ZZZ3: variants seen among roughly 807,000 people sequenced by gnomAD.
The protein encoded by ZZZ3 is zinc finger ZZ-type containing 3.
In ZZZ3, 22 loss-of-function variants were observed where a neutral mutation model predicts 95.2. That is an observed-to-expected ratio of 0.23 (90% CI 0.17 to 0.33). ZZZ3 has a LOEUF of 0.33. ZZZ3 is among the 10% of genes least tolerant of loss of function. The pLI, the probability that ZZZ3 is intolerant of heterozygous loss-of-function variation, is 1.00. For synonymous variants in ZZZ3, 335 were observed against 358.9 expected, an observed-to-expected ratio of 0.93 and a Z score of 0.75; for missense variants, 885 against 1,066.5, an observed-to-expected ratio of 0.83 and a Z score of 2.37.
At position 77,568,441 on chromosome 1, in the gene ZZZ3, TA is replaced by T; in HGVS notation, c.2356del (p.Tyr786IlefsTer16). 1 of 1,290,532 alleles carries T rather than the reference TA, an allele frequency of 7.7e-7. No homozygotes were observed. Among genetic ancestry groups the T allele is most frequent in the Non-Finnish European group, 1.1e-6 (1 of 943,192 alleles). 79.9% of individuals were successfully genotyped at this position (1,290,532 alleles called of 1,614,324 possible). ...TTCTTTATATTCAGGTAAATTCCTA[TA>T]CATGATAGGAATACTTTCGTCATCC... ...ASDDESIPIM[Y>X]RNLPEYKELL... On this transcript the variant is annotated frameshift_variant, in exon 13 of 15. Coordinates refer to ENST00000370801, the MANE Select transcript of ZZZ3 (RefSeq NM_015534.6). LOFTEE classifies it high-confidence loss of function.
At chr1:77,615,228 TTA>T (rs1335097081) in intron 5 of ZZZ3, among the ~76,000 whole-genome samples, 1 of 152,200 alleles carries the variant, frequency 6.6e-6, no homozygotes, top group African/African-American at 2.4e-5. Flanking sequence ...AGATGCAGAA[TTA>T]CAAAATATAA....
At chr1:77,568,149 C>T (rs565606075) in intron 13 of ZZZ3, among the ~76,000 whole-genome samples, 183 bp downstream of exon 13, 1 of 151,982 alleles carries the variant, frequency 6.6e-6, no homozygotes, top group Non-Finnish European at 1.5e-5. Flanking sequence ...TATAGTGGCA[C>T]ACACCTGTAA....
chr1:77,630,164 A>G (rs1053538911), intron 5 of ZZZ3, among the ~76,000 whole-genome samples: 2 of 151,694 alleles, frequency 1.3e-5, no homozygotes, highest in Non-Finnish European at 2.9e-5. Context: ...CACTGCAGAT[A>G]AACAGGTCTA....
intron 5 of ZZZ3, among the ~76,000 whole-genome samples, chr1:77,602,855 C>T (rs951385409): frequency 1.3e-5 from 2 of 151,988 alleles, no homozygotes; most frequent in African/African-American, 4.8e-5. Context: ...CTGCCCACCT[C>T]GGCCTCCCAA....
intron 6 of ZZZ3, among the ~76,000 whole-genome samples, chr1:77,583,010 CA>C (rs1662683571): frequency 1.3e-5 from 2 of 151,958 alleles, no homozygotes; most frequent in South Asian, 4.2e-4. Flanking sequence ...GAGGCTGAGG[CA>C]GAAGAATCTG....
At chr1:77,574,956 C>G (rs1031550721) in intron 12 of ZZZ3, among the ~76,000 whole-genome samples, 19 of 152,280 alleles carry the variant, frequency 1.2e-4, no homozygotes, top group African/African-American at 4.6e-4. Context: ...GAGGCCGAGG[C>G]AGGCAGATCA....
At chr1:77,618,042 C>A (rs971342542) in intron 5 of ZZZ3, among the ~76,000 whole-genome samples, 1 of 152,016 alleles carries the variant, frequency 6.6e-6, no homozygotes, top group Non-Finnish European at 1.5e-5. Flanking sequence ...AGTGGGTGCA[C>A]CATTTTACCC....
intron 4 of ZZZ3, among the ~76,000 whole-genome samples, chr1:77,635,990 A>C (rs1299119911): frequency 6.6e-6 from 1 of 152,194 alleles, no homozygotes; most frequent in African/African-American, 2.4e-5. Flanking sequence ...TGGCACTCTA[A>C]AGGGTTAAGA....
chr1:77,631,022 T>G (rs908285040), intron 5 of ZZZ3, among the ~76,000 whole-genome samples: 1 of 152,192 alleles, frequency 6.6e-6, no homozygotes, highest in Admixed American at 6.5e-5. Flanking sequence ...ATCATGATAT[T>G]TATGATGAGC....
chr1:77,567,579 C>A (rs1388955667), intron 13 of ZZZ3, among the ~76,000 whole-genome samples: 2 of 152,152 alleles, frequency 1.3e-5, no homozygotes, highest in Non-Finnish European at 2.9e-5. Flanking sequence ...GTGCAAGCAG[C>A]CTCTAACTAC....
chr1:77,570,828 A>ATTT (rs1234908458), intron 12 of ZZZ3, among the ~76,000 whole-genome samples: 48 of 123,722 alleles, frequency 3.9e-4, no homozygotes, highest in African/African-American at 5.4e-4. Context: ...AGCCTGGCTA[A>ATTT]TTTTTTTTTT....
At position 77,569,457 on chromosome 1, in the gene ZZZ3, A is replaced by G. The variant is rs539109756; in HGVS notation, c.2332-991T>C. On this transcript the variant is annotated intron_variant, in intron 12 of 14. Transcript: ENST00000370801. ...ATACATATGTTCGGGACCATCCCCC[A>G]CCTCCCAAATTGACAAGTAGCTTTC... Among the ~76,000 whole-genome samples, 14 of 152,254 alleles carry G rather than the reference A, an allele frequency of 9.2e-5. No individual in the cohort carries two copies. The East Asian group carries it at 2.3e-3, about 25-fold the overall frequency.
intron 6 of ZZZ3, among the ~76,000 whole-genome samples, chr1:77,583,935 G>A (rs1662799479): frequency 6.6e-6 from 1 of 151,958 alleles, no homozygotes; most frequent in African/African-American, 2.4e-5. Flanking sequence ...TATTAAACAC[G>A]AAAGTTCTGT....
intron 1 of ZZZ3, among the ~76,000 whole-genome samples, chr1:77,667,766 T>A (rs1671375007): frequency 6.9e-6 from 1 of 145,016 alleles, no homozygotes; most frequent in African/African-American, 2.6e-5. Context: ...GGGTATTCTT[T>A]TTTTTTTTTT....
At chr1:77,672,079 T>C (rs992272022) in intron 1 of ZZZ3, among the ~76,000 whole-genome samples, 12 of 152,172 alleles carry the variant, frequency 7.9e-5, no homozygotes, top group African/African-American at 1.2e-4. Flanking sequence ...ACATGAATTG[T>C]TTATTTCTTG....
intron 5 of ZZZ3, among the ~76,000 whole-genome samples, chr1:77,612,992 T>C (rs1665958875): frequency 6.6e-6 from 1 of 152,058 alleles, no homozygotes; most frequent in African/African-American, 2.4e-5. Context: ...GTTAATGTGC[T>C]TCACTATAGT....
intron 1 of ZZZ3, among the ~76,000 whole-genome samples, chr1:77,657,957 T>C (rs1052678738): frequency 1.3e-5 from 2 of 151,946 alleles, no homozygotes; most frequent in African/African-American, 4.8e-5. Context: ...GGTGAGTGGA[T>C]CACCTGAGGT....
chr1:77,650,543 T>C (rs934941038), intron 1 of ZZZ3, among the ~76,000 whole-genome samples: 33 of 151,854 alleles, frequency 2.2e-4, no homozygotes, highest in Admixed American at 2.2e-3. Flanking sequence ...AGGGAATTAA[T>C]GCAGCATATC....
chr1:77,587,500 G>A (rs1310429068), intron 5 of ZZZ3, among the ~76,000 whole-genome samples: 2 of 152,010 alleles, frequency 1.3e-5, no homozygotes, highest in South Asian at 2.1e-4. Context: ...TCATGACCTC[G>A]TGATCCGCCC....
Sources: allele counts gnomAD v4.1 joint callset (sites outside exome capture counted in the v4.1 genomes callset), GRCh38; gene constraint gnomAD v4.1.1; transcripts MANE v1.5; gene names NCBI Gene and HGNC (gene_info 2026-07-23, HGNC 2026-07-21).